The following MED27 variants were observed in gnomAD, a reference collection of about 807,000 sequenced individuals.
MED27 encodes the protein mediator of RNA polymerase II transcription subunit 27.
A neutral mutation model predicts 38.2 loss-of-function variants in MED27; 30 were observed. The observed-to-expected ratio is 0.79, with a 90% CI of 0.59 to 1.07. The LOEUF is 1.07. Ranked by LOEUF, MED27 falls within the 50% of genes least tolerant of loss-of-function variation. The pLI is 0.00. For synonymous variants in MED27, 122 were observed against 153.5 expected (o/e 0.79, Z 1.52); for missense variants, 289 against 397.5 (o/e 0.73, Z 2.32).
Position 131,985,113 on chromosome 9 carries a change from T to C in MED27, c.479+29224A>G, listed in dbSNP as rs574482671. Among the ~76,000 whole-genome samples the C allele has an allele frequency of 5.3e-5, 8 of 152,264 alleles. No individual in the cohort carries two copies. The South Asian group carries it at 1.7e-3, about 32-fold the overall frequency. On this transcript the variant is annotated intron_variant, in intron 3 of 7. Coordinates refer to ENST00000292035, the MANE Select transcript of MED27 (RefSeq NM_004269.4). ...CTAATTTGGTGGTCTTATGAGACTG[T>C]TTTGTTTTATCTTCTTTTATGTCTT...
chr9:132,077,631 A>G lies in MED27; in HGVS notation c.204-45T>C, dbSNP rs138355736. The G allele has an allele frequency of 8.7e-4, 1,393 of 1,602,690 alleles. 3 individuals are homozygous for G. The highest frequency in any genetic ancestry group is 2.0e-3 in the Middle Eastern group (12 of 6,018). ...GGCAAATAAACCTAAGCCCATTTACACTCCAGGGTAAAGCCAGCCCCCAGG... is the reference window on the plus strand; with the variant it reads ...GGCAAATAAACCTAAGCCCATTTACGCTCCAGGGTAAAGCCAGCCCCCAGG... On this transcript the variant is annotated intron_variant, in intron 1 of 7. Coordinates refer to ENST00000292035, the MANE Select transcript of MED27 (RefSeq NM_004269.4).
rs76832760 is a variant in MED27, at chr9:132,052,709, T to C, written c.348+24733A>G. ...CCGTCCTCAATGTCTATTATTCCAC[T>C]CTCTGTGTCCATGTGCACACATTAT... is the stretch of plus-strand genomic sequence containing the variant. On this transcript the variant is annotated intron_variant, in intron 2 of 7. Transcript: ENST00000292035. Among the ~76,000 whole-genome samples the C allele has an allele frequency of 4.9e-3, 592 of 119,778 alleles. 5 individuals are homozygous for C. The highest frequency in any genetic ancestry group is 0.018 in the African/African-American group (553 of 31,482). 78.6% of individuals were successfully genotyped at this position (119,778 alleles called of 152,430 possible).
chr9:132,001,778 T>A (rs1832240261), intron 3 of MED27, among the ~76,000 whole-genome samples: 1 of 152,226 alleles, frequency 6.6e-6, no homozygotes, highest in Admixed American at 6.5e-5. Context: ...CTCATTTCCC[T>A]TACGGTATAG....
intron 4 of MED27, among the ~76,000 whole-genome samples, chr9:131,904,278 G>A (rs986517391): frequency 6.6e-6 from 1 of 151,984 alleles, no homozygotes; most frequent in African/African-American, 2.4e-5. Context: ...GACTCAAACA[G>A]TCCATCTGCC....
At chr9:132,028,048 C>A (rs916924189) in intron 2 of MED27, among the ~76,000 whole-genome samples, 1 of 152,170 alleles carries the variant, frequency 6.6e-6, no homozygotes, top group African/African-American at 2.4e-5. Context: ...GGACAACCTA[C>A]GTGCTCCGGC....
chr9:132,013,427 G>A (rs1245856781), intron 3 of MED27, among the ~76,000 whole-genome samples: 1 of 152,334 alleles, frequency 6.6e-6, no homozygotes, highest in Non-Finnish European at 1.5e-5. Context: ...GGCAGCACAG[G>A]TATAGACAGA....
At chr9:131,874,896 A>G (rs887196335) in intron 6 of MED27, among the ~76,000 whole-genome samples, 2 of 152,246 alleles carry the variant, frequency 1.3e-5, no homozygotes, top group African/African-American at 4.8e-5. Flanking sequence ...ACGGCCCTGC[A>G]GTCAGAGAAA....
At chr9:131,878,641 G>A (rs1380111049) in intron 6 of MED27, among the ~76,000 whole-genome samples, 2 of 152,192 alleles carry the variant, frequency 1.3e-5, no homozygotes, top group Non-Finnish European at 2.9e-5. Flanking sequence ...ACAATGCAGT[G>A]AGTAGCTGTC....
At chr9:131,944,455 G>C (rs1388091374) in intron 3 of MED27, among the ~76,000 whole-genome samples, 1 of 151,852 alleles carries the variant, frequency 6.6e-6, no homozygotes, top group African/African-American at 2.4e-5. Context: ...AAAACTAAAG[G>C]CTTTCTGGGG....
rs58271837 is a variant in MED27, at chr9:132,057,433, G to T, written c.348+20009C>A. 1.5e-3 allele frequency among the ~76,000 whole-genome samples: 225 copies of T among 152,332 alleles called. 1 individual carries two copies. Among genetic ancestry groups the T allele is most frequent in the African/African-American group, 5.3e-3 (219 of 41,564 alleles). On this transcript the variant is annotated intron_variant, in intron 2 of 7. Transcript: ENST00000292035. ...TGGGTAATCACATATGGAGGCAGCC[G>T]CGGCAAAGGTCTGCCAGTGGTTGGT... is the stretch of plus-strand genomic sequence containing the variant.
chr9:131,970,164 T>C (rs979121012), intron 3 of MED27, among the ~76,000 whole-genome samples: 4 of 152,182 alleles, frequency 2.6e-5, no homozygotes, highest in Non-Finnish European at 4.4e-5. Context: ...CCACAAACCC[T>C]TACAAAAGGG....
At chr9:131,985,100 T>C (rs186635895) in intron 3 of MED27, among the ~76,000 whole-genome samples, 1 of 152,276 alleles carries the variant, frequency 6.6e-6, no homozygotes, top group East Asian at 1.9e-4. Flanking sequence ...AATTTGGTGG[T>C]CTTATGAGAC....
chr9:131,882,461 T>C lies in MED27; in HGVS notation c.723+1597A>G, dbSNP rs375368112. Reference sequence around the variant, plus strand: ...AACGGTTAATTTCAAGTTATGTGAATTTCACCTTGATCTACAAAAGAGTCC... The same window carrying C: ...AACGGTTAATTTCAAGTTATGTGAACTTCACCTTGATCTACAAAAGAGTCC... On this transcript the variant is annotated intron_variant, in intron 6 of 7. Coordinates refer to ENST00000292035, the MANE Select transcript of MED27 (RefSeq NM_004269.4). Among the ~76,000 whole-genome samples, 19 of 152,284 alleles carry C rather than the reference T, an allele frequency of 1.2e-4. No homozygotes were observed. The South Asian group carries it at 3.9e-3, about 32-fold the overall frequency.
At chr9:132,072,622 A>G (rs935169724) in intron 2 of MED27, among the ~76,000 whole-genome samples, 5 of 152,084 alleles carry the variant, frequency 3.3e-5, no homozygotes, top group Admixed American at 2.6e-4. Flanking sequence ...AGTCTATACT[A>G]CAGCCAAACT....
chr9:131,956,100 C>A (rs1281843399), intron 3 of MED27, among the ~76,000 whole-genome samples: 1 of 152,154 alleles, frequency 6.6e-6, no homozygotes, highest in Non-Finnish European at 1.5e-5. Flanking sequence ...TGTGTTCTAG[C>A]CATACCATGA....
chr9:131,954,262 T>C (rs991102308), intron 3 of MED27, among the ~76,000 whole-genome samples: 13 of 152,166 alleles, frequency 8.5e-5, no homozygotes, highest in African/African-American at 3.1e-4. Context: ...CACACTGGGA[T>C]GCATGTCTGG....
intron 6 of MED27, among the ~76,000 whole-genome samples, chr9:131,869,627 A>G (rs1296162581): frequency 6.6e-6 from 1 of 152,222 alleles, no homozygotes; most frequent in Non-Finnish European, 1.5e-5. Flanking sequence ...TGCAAGCCCA[A>G]GGAAAGGGAG....
chr9:131,999,108 A>G (rs939763017), intron 3 of MED27, among the ~76,000 whole-genome samples: 7 of 152,194 alleles, frequency 4.6e-5, no homozygotes, highest in South Asian at 2.1e-4. Flanking sequence ...GGGGACATTA[A>G]GTACCCAGCA....
chr9:132,057,222 C>A (rs1833599117), intron 2 of MED27, among the ~76,000 whole-genome samples: 1 of 152,232 alleles, frequency 6.6e-6, no homozygotes, highest in Non-Finnish European at 1.5e-5. Context: ...GCCAATCCCA[C>A]CAAACAGGAT....
Sources: allele counts gnomAD v4.1 joint callset (sites outside exome capture counted in the v4.1 genomes callset), GRCh38; gene constraint gnomAD v4.1.1; transcripts MANE v1.5; gene names NCBI Gene and HGNC (gene_info 2026-07-23, HGNC 2026-07-21).